The following C10orf105 variants were observed in gnomAD, a reference collection of about 807,000 sequenced individuals.
C10orf105 encodes chromosome 10 open reading frame 105, also known as uncharacterized protein C10orf105.
In C10orf105, 2 loss-of-function variants were observed where a neutral mutation model predicts 0.6. The observed-to-expected ratio is 3.18, with a 90% CI of 1.30 to 10.01. The LOEUF (loss-of-function observed/expected upper bound fraction) is 10.01, where lower values mean the gene tolerates loss of function less well. Ranked by LOEUF, C10orf105 falls within the 30% of genes most tolerant of loss-of-function variation. The pLI, the probability that C10orf105 is intolerant of heterozygous loss-of-function variation, is 0.04. For missense variants in C10orf105, 209 were observed against 191.4 expected (o/e 1.09, Z -0.54); for synonymous variants, 95 against 82.4 (o/e 1.15, Z -0.83).
chr10:71,713,289 G>A lies in C10orf105; in HGVS notation c.*2647C>T, dbSNP rs761225176. 2.6e-6 allele frequency: 2 copies of A among 779,370 alleles called. No individual in the cohort carries two copies. The highest frequency in any genetic ancestry group is 4.8e-6 in the Non-Finnish European group (2 of 417,892). 48.3% of individuals were successfully genotyped at this position (779,370 alleles called of 1,614,324 possible). A position where few individuals can be genotyped will look rare whatever the true frequency, so the allele number is the denominator to read the frequency against. Reference sequence around the variant, plus strand: ...CAGGGAGCAGGCGCAACAGCTCCAAGGCTCAGAGGGAGAGAAGGGAGGACC... The same window carrying A: ...CAGGGAGCAGGCGCAACAGCTCCAAAGCTCAGAGGGAGAGAAGGGAGGACC... On this transcript the variant is annotated 3_prime_UTR_variant, in exon 2 of 2. Coordinates refer to ENST00000441508, the MANE Select transcript of C10orf105 (RefSeq NM_001164375.3).
At chr10:71,724,135 G>A (rs190677756), upstream of C10orf105, 230 of 1,550,840 alleles carry the variant, frequency 1.5e-4, no homozygotes, top group Non-Finnish European at 1.9e-4. Flanking sequence ...GATGGGGGGC[G>A]GTCCTCCTGC....
exon 1 of C10orf105, chr10:71,737,739 G>A: frequency 2.1e-6 from 1 of 470,226 alleles, no homozygotes; most frequent in South Asian, 1.5e-5. Flanking sequence ...TGTGATTCCA[G>A]CCGCAGTGGC....
chr10:71,734,144 C>T (rs1445191218), intron 1 of C10orf105: 3 of 982,556 alleles, frequency 3.1e-6, no homozygotes, highest in East Asian at 2.6e-5. Context: ...TTATGCCGGA[C>T]AGAGGAAGTG....
At chr10:71,725,115 C>G (rs774731298) in intron 1 of C10orf105, among the ~76,000 whole-genome samples, 4 of 152,214 alleles carry the variant, frequency 2.6e-5, no homozygotes, top group African/African-American at 4.8e-5. Flanking sequence ...ACCATCAACA[C>G]CAAGATGAAG....
intron 1 of C10orf105, among the ~76,000 whole-genome samples, chr10:71,730,010 A>G (rs1401408469): frequency 1.3e-5 from 2 of 151,424 alleles, no homozygotes; most frequent in South Asian, 2.1e-4. Flanking sequence ...AATTTTTTGT[A>G]TTTTTAGTAG....
intron 1 of C10orf105, among the ~76,000 whole-genome samples, chr10:71,727,963 G>T (rs1866889616): frequency 6.6e-6 from 1 of 152,110 alleles, no homozygotes. Flanking sequence ...CCAGAGGCTG[G>T]TGGCATGTAG....
At position 71,716,288 on chromosome 10, in the gene C10orf105, AG is replaced by A; in HGVS notation, c.49del (p.Leu17SerfsTer40). 6.6e-7 allele frequency: 1 copy of A among 1,526,342 alleles called. No homozygotes were observed. The highest frequency in any genetic ancestry group is 8.8e-7 in the Non-Finnish European group (1 of 1,132,210). 94.5% of individuals were successfully genotyped at this position (1,526,342 alleles called of 1,614,324 possible). On this transcript the variant is annotated frameshift_variant, in exon 2 of 2. Transcript: ENST00000441508. LOFTEE classifies it low-confidence loss of function (END_TRUNC). ...AGTGACGGGAGCTGAGAGAAAGGCGAGGGGGCTGATGGCTGGGGAGCTGGCG... is the reference window on the plus strand; with the variant it reads ...AGTGACGGGAGCTGAGAGAAAGGCGAGGGGCTGATGGCTGGGGAGCTGGCG... ...SLASSPAISPLAFLSAPVTPG... is the reference protein window; with the variant it reads ...SLASSPAISPXAFLSAPVTPG...
intron 1 of C10orf105, among the ~76,000 whole-genome samples, chr10:71,731,405 G>A (rs1380360909): frequency 6.6e-6 from 1 of 152,236 alleles, no homozygotes; most frequent in African/African-American, 2.4e-5. Flanking sequence ...TCTCAGGCAT[G>A]TTAGGAGAGT....
rs1309769994 is a variant in C10orf105 at position 71,713,345 on chromosome 10, T to A, written c.*2591A>T. On this transcript the variant is annotated 3_prime_UTR_variant, in exon 2 of 2. Coordinates refer to ENST00000441508, the MANE Select transcript of C10orf105 (RefSeq NM_001164375.3). ...AACAATTTGGGTGTGCACCCACACCTCTGCCCAGAGGCCTCAGTTGCTGGG... is the reference window on the plus strand; with the variant it reads ...AACAATTTGGGTGTGCACCCACACCACTGCCCAGAGGCCTCAGTTGCTGGG... The A allele has an allele frequency of 3.9e-6, 3 of 770,968 alleles. No homozygotes were observed. Among genetic ancestry groups the A allele is most frequent in the Non-Finnish European group, 7.2e-6 (3 of 414,184 alleles). 47.8% of individuals were successfully genotyped at this position (770,968 alleles called of 1,614,324 possible).
At chr10:71,727,914 C>T (rs1021460986) in intron 1 of C10orf105, among the ~76,000 whole-genome samples, 2 of 152,184 alleles carry the variant, frequency 1.3e-5, no homozygotes, top group Non-Finnish European at 2.9e-5. Flanking sequence ...ACCATCTTGC[C>T]TCCTCCTGTC....
chr10:71,731,390 C>T (rs1375910267), intron 1 of C10orf105, among the ~76,000 whole-genome samples: 2 of 152,178 alleles, frequency 1.3e-5, no homozygotes, highest in East Asian at 1.9e-4. Context: ...AATTCTCAGG[C>T]GGAATCTCAG....
Position 71,713,311 on chromosome 10 carries a change from G to A in C10orf105, c.*2625C>T. ...CAAGGCTCAGAGGGAGAGAAGGGAGGACCCTGAAAACAATTTGGGTGTGCA... is the reference window on the plus strand; with the variant it reads ...CAAGGCTCAGAGGGAGAGAAGGGAGAACCCTGAAAACAATTTGGGTGTGCA... On this transcript the variant is annotated 3_prime_UTR_variant, in exon 2 of 2. Coordinates refer to ENST00000441508, the MANE Select transcript of C10orf105 (RefSeq NM_001164375.3). The A allele has an allele frequency of 2.6e-6, 2 of 778,700 alleles. No homozygotes were observed. The highest frequency in any genetic ancestry group is 2.4e-5 in the East Asian group (1 of 41,230). 48.2% of individuals were successfully genotyped at this position (778,700 alleles called of 1,614,324 possible). A position where few individuals can be genotyped will look rare whatever the true frequency, so the allele number is the denominator to read the frequency against.
intron 1 of C10orf105, among the ~76,000 whole-genome samples, chr10:71,737,310 A>T (rs1305847012): frequency 6.6e-6 from 1 of 152,180 alleles, no homozygotes; most frequent in African/African-American, 2.4e-5. Flanking sequence ...TCCTCCCAAC[A>T]GGTGTCATTC....
upstream of C10orf105, among the ~76,000 whole-genome samples, chr10:71,723,433 G>A (rs930035105): frequency 2.0e-5 from 3 of 152,148 alleles, no homozygotes; most frequent in African/African-American, 7.2e-5. Context: ...GCCCACCAGA[G>A]GAAACACATA....
upstream of C10orf105, among the ~76,000 whole-genome samples, chr10:71,723,772 C>A (rs1866676655): frequency 6.6e-6 from 1 of 152,192 alleles, no homozygotes; most frequent in African/African-American, 2.4e-5. Flanking sequence ...CATCTTTCAC[C>A]TTCTCCCCCA....
rs1240089556 is a variant in C10orf105 at position 71,731,898 on chromosome 10, AG to A, written c.-6+5829del. ...GCAGCCCATGCTGGGTGGGCCACCC[AG>A]GGGGTATGGGTGTGGCAGCTTGAGA... is the stretch of plus-strand genomic sequence containing the variant. On this transcript the variant is annotated intron_variant, in intron 1 of 1. Coordinates refer to the C10orf105 transcript ENST00000398786. The A allele has an allele frequency of 2.8e-6, 4 of 1,437,562 alleles. No homozygotes were observed. In the East Asian group the frequency reaches 7.3e-5, roughly 26 times the overall value. The allele number at this position is 1,437,562 out of a possible 1,614,324, so 89.1% of individuals were successfully genotyped here. A position where few individuals can be genotyped will look rare whatever the true frequency, so the allele number is the denominator to read the frequency against.
upstream of C10orf105, among the ~76,000 whole-genome samples, chr10:71,720,672 C>T (rs957341336): frequency 1.3e-5 from 2 of 152,334 alleles, no homozygotes; most frequent in Admixed American, 6.5e-5. Flanking sequence ...CCCTCCTGCC[C>T]TTGCCCATAA....
intron 1 of C10orf105, among the ~76,000 whole-genome samples, chr10:71,734,074 G>A (rs1435047328): frequency 6.6e-6 from 1 of 152,230 alleles, no homozygotes; most frequent in Non-Finnish European, 1.5e-5. Context: ...GGAAGAGGTG[G>A]CTTCCCAGTG....
chr10:71,725,292 GC>G, intron 1 of C10orf105: 1 of 1,601,598 alleles, frequency 6.2e-7, no homozygotes, highest in Non-Finnish European at 8.6e-7. Context: ...GTGAACTTCT[GC>G]CCCCAACCAT....
Sources: gnomAD v4.1 joint callset for allele counts (sites outside exome capture counted in the v4.1 genomes callset) on GRCh38, gnomAD v4.1.1 for gene constraint, MANE v1.5 for transcripts, NCBI Gene and HGNC (gene_info 2026-07-23, HGNC 2026-07-21) for gene names.